The following SRRM2 variants were observed in gnomAD, a reference collection of about 807,000 sequenced individuals.
The protein encoded by SRRM2 is serine/arginine repetitive matrix 2.
In SRRM2, 30 loss-of-function variants were observed where a neutral mutation model predicts 213.8. That is an observed-to-expected ratio of 0.14 (90% CI 0.10 to 0.19). The LOEUF is 0.19. Among genes scored for constraint, SRRM2 ranks in the 10% least tolerant of loss-of-function variants. The pLI, the probability that SRRM2 is intolerant of heterozygous loss-of-function variation, is 1.00. For synonymous variants in SRRM2, 2,025 were observed against 1,377.7 expected, an observed-to-expected ratio of 1.47 and a Z score of -10.40; for missense variants, 4,904 against 3,647.0, an observed-to-expected ratio of 1.34 and a Z score of -8.88.
At position 2,767,603 on chromosome 16, in the gene SRRM2, G is replaced by T. The variant is rs569446082; in HGVS notation, c.7075G>T (p.Ala2359Ser). The change falls in exon 11 of 15, where the codon GCA becomes TCA. Residue 2359 changes from alanine (A) to serine (S), a missense_variant. Physicochemically the swap from Ala to Ser is moderately conservative, Grantham distance 99. Transcript: ENST00000301740. The part of the protein sequence containing the change: ...PVNIAGSRTA[A>S]ALAPASLTSA... ...GAATATTGCCGGCTCCAGAACCGCC[G>T]CAGCCTTGGCCCCCGCGAGCCTCAC... 6.2e-7 allele frequency: 1 copy of T among 1,614,102 alleles called. No individual in the cohort carries two copies. The highest frequency in any genetic ancestry group is 1.7e-5 in the Admixed American group (1 of 60,024).
intron 1 of SRRM2, among the ~76,000 whole-genome samples, chr16:2,755,750 A>G (rs777177440): frequency 2.0e-5 from 3 of 152,204 alleles, no homozygotes; most frequent in Non-Finnish European, 4.4e-5. Context: ...TGAACCAACT[A>G]GTCTGCTGTT....
chr16:2,762,574 C>G lies in SRRM2; in HGVS notation c.2046C>G (p.Arg682=), dbSNP rs772321533. The part of the protein sequence containing the change: ...RTPARRSGRS[R]SRTPARRGRS... ...CAGCTAGACGCAGTGGTCGCTCACG[C>G]TCCAGAACACCAGCCAGGAGAGGGA... Residue 682 remains arginine, a synonymous_variant, in exon 11 of 15, where the codon CGC becomes CGG. Transcript: ENST00000301740. 1 of 1,613,898 alleles carries G rather than the reference C, an allele frequency of 6.2e-7. No individual in the cohort carries two copies. Among genetic ancestry groups the G allele is most frequent in the Non-Finnish European group, 8.5e-7 (1 of 1,179,976 alleles).
In SRRM2 at chr16:2,771,322, C is replaced by T. The variant is rs779574869; in HGVS notation, c.*455C>T. 2.2e-5 allele frequency: 29 copies of T among 1,338,324 alleles called. No homozygotes were observed. The highest frequency in any genetic ancestry group is 2.8e-5 in the Non-Finnish European group (26 of 938,344). 82.9% of individuals were successfully genotyped at this position (1,338,324 alleles called of 1,614,324 possible). A position where few individuals can be genotyped will look rare whatever the true frequency, so the allele number is the denominator to read the frequency against. The stretch of plus-strand genomic sequence containing the variant: ...TGAGGTTGTGAACCCCTCCCCCCAA[C>T]TTTTCATGTTTCTTAAAGGCATTTT... On this transcript the variant is annotated 3_prime_UTR_variant, in exon 15 of 15. Transcript: ENST00000301740.
Position 2,766,355 on chromosome 16 carries a change from C to T in SRRM2, c.5827C>T (p.Arg1943Cys), listed in dbSNP as rs775643209. 1.7e-5 allele frequency: 28 copies of T among 1,614,006 alleles called. No homozygotes were observed. The highest frequency in any genetic ancestry group is 4.0e-5 in the African/African-American group (3 of 74,930). Residue 1943 changes from arginine (R) to cysteine (C), a missense_variant, in exon 11 of 15, where the codon CGC becomes TGC. By Grantham distance (180) the Arg-to-Cys change is radical (BLOSUM62 -3). Coordinates refer to ENST00000301740, the MANE Select transcript of SRRM2 (RefSeq NM_016333.4). This position sits in a 1 kb window ranked among gnomAD's most constrained non-coding sequence, Gnocchi z 7.0. ...RRSRSRTPTT[R>C]RRSRSRTPPV... is the part of the protein sequence containing the mutation. The stretch of plus-strand genomic sequence containing the variant: ...TTCAAGGTCTAGAACGCCAACAACA[C>T]GCCGCCGCTCCCGTTCTAGAACTCC...
Position 2,758,020 on chromosome 16 carries a change from C to T in SRRM2, c.515+75C>T, listed in dbSNP as rs1157634874. On this transcript the variant is annotated intron_variant, in intron 4 of 14. Transcript: ENST00000301740. ...TCCATGCTCTATTTTTGTCTTTTTG[C>T]GGGCTGGTTTCTTCCCAAACTCTTC... The T allele has an allele frequency of 1.4e-5, 21 of 1,511,638 alleles. No homozygotes were observed. In the Admixed American group the frequency reaches 2.8e-4, roughly 20 times the overall value. The allele number at this position is 1,511,638 out of a possible 1,614,324, so 93.6% of individuals were successfully genotyped here.
At position 2,764,324 on chromosome 16, in the gene SRRM2, A is replaced by G. The variant is rs572711454; in HGVS notation, c.3796A>G (p.Ser1266Gly). ...TTCAGAACTTAAAGAAATGTCCACA[A>G]GTAACTTTGAATCATCTCCTGAAGT... ...LSSELKEMST[S>G]NFESSPEVEE... Residue 1266 changes from serine to glycine, a missense_variant, in exon 11 of 15, where the codon AGT (serine) becomes GGT (glycine). Transcript: ENST00000301740. 3.7e-6 allele frequency: 6 copies of G among 1,614,222 alleles called. No homozygotes were observed. The Admixed American group carries it at 5.0e-5, about 13-fold the overall frequency.
At chr16:2,753,521 A>G (rs1293365145) in intron 1 of SRRM2, 1 of 152,110 alleles carries the variant, frequency 6.6e-6, no homozygotes, top group East Asian at 1.9e-4. Context: ...TTACATTTGT[A>G]AGGTAGACCG....
At position 2,770,662 on chromosome 16, in the gene SRRM2, C is replaced by T. The variant is rs1049829119; in HGVS notation, c.8194C>T (p.His2732Tyr). 1.4e-5 allele frequency: 21 copies of T among 1,554,610 alleles called. No individual in the cohort carries two copies. The African/African-American group carries it at 2.7e-4, about 20-fold the overall frequency. Reference sequence around the variant, plus strand: ...GCGTGGGGACAGCCGCTCCCCCAGCCACAAGCGCAGGAGGGAGACACCTAG... The same window carrying T: ...GCGTGGGGACAGCCGCTCCCCCAGCTACAAGCGCAGGAGGGAGACACCTAG... ...GQRGDSRSPS[H>Y]KRRRETPSPR... The change falls in exon 14 of 15, where the codon CAC (histidine) becomes TAC (tyrosine). Residue 2732 changes from histidine (H) to tyrosine (Y), a missense_variant. His to Tyr is a moderately conservative substitution (Grantham distance 83). Coordinates refer to ENST00000301740, the MANE Select transcript of SRRM2 (RefSeq NM_016333.4).
Position 2,768,117 on chromosome 16 carries a change from G to A in SRRM2, c.7589G>A (p.Arg2530Gln), listed in dbSNP as rs1307066107. ...GCCGCCCTGCAGCCAGCAAAGGAGC[G>A]GCGGAGTTCCTCCTCGTCGTCGTCG... ...ALAALQPAKERRSSSSSSSSS... is the reference protein window; with the variant it reads ...ALAALQPAKEQRSSSSSSSSS... Residue 2530 changes from arginine (R) to glutamine (Q), a missense_variant, in exon 11 of 15, where the codon CGG (arginine) becomes CAG (glutamine). Transcript: ENST00000301740. The A allele has an allele frequency of 5.0e-6, 8 of 1,614,030 alleles. No homozygotes were observed. The highest frequency in any genetic ancestry group is 3.3e-4 in the Middle Eastern group (2 of 6,082).
At chr16:2,768,690 C>T (rs771830539) in intron 11 of SRRM2, 17 of 675,018 alleles carry the variant, frequency 2.5e-5, no homozygotes, top group Admixed American at 6.2e-5. Context: ...TGCGGCTCTC[C>T]GAGGAAGGAG....
At position 2,767,330 on chromosome 16, in the gene SRRM2, A is replaced by C; in HGVS notation, c.6802A>C (p.Met2268Leu). Reference sequence around the variant, plus strand: ...TCGAACGCCAGCTGCAGCAGCGGCCATGAACTTGGCCAGCCCCAGAACAGC... The same window carrying C: ...TCGAACGCCAGCTGCAGCAGCGGCCCTGAACTTGGCCAGCCCCAGAACAGC... ...DSRTPAAAAA[M>L]NLASPRTAVA... Residue 2268 changes from methionine (M) to leucine (L), a missense_variant, in exon 11 of 15, where the codon ATG (methionine) becomes CTG (leucine). Transcript: ENST00000301740. 1 of 1,613,922 alleles carries C rather than the reference A, an allele frequency of 6.2e-7. No individual in the cohort carries two copies. The highest frequency in any genetic ancestry group is 8.5e-7 in the Non-Finnish European group (1 of 1,180,036).
At position 2,766,919 on chromosome 16, in the gene SRRM2, A is replaced by G; in HGVS notation, c.6391A>G (p.Arg2131Gly). The change falls in exon 11 of 15, where the codon AGA becomes GGA. Residue 2131 changes from arginine (R) to glycine (G), a missense_variant. Transcript: ENST00000301740. The surrounding 1 kb of genome is among the most constrained non-coding windows in gnomAD (Gnocchi z 7.0). ...SMSPTPLDRC[R>G]SPGMLEPLGS... The stretch of plus-strand genomic sequence containing the variant: ...GTCCCCAACACCTCTTGATCGCTGC[A>G]GATCACCTGGAATGCTTGAACCCCT... The G allele has an allele frequency of 1.2e-6, 2 of 1,614,114 alleles. No individual in the cohort carries two copies. Among genetic ancestry groups the G allele is most frequent in the Non-Finnish European group, 1.7e-6 (2 of 1,180,026 alleles).
At chr16:2,761,153 C>A (rs1212166761) in intron 10 of SRRM2, among the ~76,000 whole-genome samples, 1 of 152,216 alleles carries the variant, frequency 6.6e-6, no homozygotes, top group East Asian at 1.9e-4. Context: ...TTACTCTTCA[C>A]ACAAATCATG....
rs973439703 is a variant in SRRM2 at position 2,769,283 on chromosome 16, A to T, written c.8020A>T (p.Arg2674Trp). Residue 2674 changes from arginine to tryptophan, a missense_variant and splice_region_variant, in exon 12 of 15, where the codon AGG becomes TGG. By Grantham distance (101) the Arg-to-Trp change is moderately radical. Coordinates refer to ENST00000301740, the MANE Select transcript of SRRM2 (RefSeq NM_016333.4). Reference sequence around the variant, plus strand: ...CAAGAAGCCACCCCCTGGCGAGCGGAGGTGAGTGCTGTCTTGCCTGAGTTG... The same window carrying T: ...CAAGAAGCCACCCCCTGGCGAGCGGTGGTGAGTGCTGTCTTGCCTGAGTTG... ...SPKKPPPGER[R>W]SRSPRKPIDS... 6.4e-7 allele frequency: 1 copy of T among 1,556,518 alleles called. No homozygotes were observed. The highest frequency in any genetic ancestry group is 1.2e-5 in the South Asian group (1 of 80,940).
intron 1 of SRRM2, among the ~76,000 whole-genome samples, chr16:2,753,173 C>T (rs965282275): frequency 1.3e-5 from 2 of 151,380 alleles, no homozygotes; most frequent in South Asian, 4.2e-4. Flanking sequence ...AGGTGGCCTT[C>T]CTGCAGCTGC....
Position 2,761,570 on chromosome 16 carries a change from A to G in SRRM2, c.1042A>G (p.Thr348Ala), listed in dbSNP as rs185897671. ...TCTCTTCCACTCTTAGAAATCTGCA[A>G]CTCGACCTAGCCCCTCTCCGGAAAG... ...KDKDKKEKSA[T>A]RPSPSPERSS... The change falls in exon 11 of 15, where the codon ACT becomes GCT. Residue 348 changes from threonine to alanine, a missense_variant. By Grantham distance (58) the Thr-to-Ala change is moderately conservative. Transcript: ENST00000301740. The G allele has an allele frequency of 6.0e-6, 9 of 1,503,892 alleles. No homozygotes were observed. The African/African-American group carries it at 8.4e-5, about 14-fold the overall frequency. The allele number at this position is 1,503,892 out of a possible 1,614,324, so 93.2% of individuals were successfully genotyped here.
chr16:2,759,088 T>C (rs1041361976), intron 6 of SRRM2, 41 bp downstream of exon 6: 1 of 1,614,204 alleles, frequency 6.2e-7, no homozygotes. Flanking sequence ...GAAGGTTTGC[T>C]GAATTCAGGC....
At position 2,767,883 on chromosome 16, in the gene SRRM2, C is replaced by A. The variant is rs757234689; in HGVS notation, c.7355C>A (p.Pro2452His). 3 of 1,614,052 alleles carry A rather than the reference C, an allele frequency of 1.9e-6. No homozygotes were observed. The African/African-American group carries it at 4.0e-5, about 22-fold the overall frequency. The change falls in exon 11 of 15, where the codon CCT becomes CAT. Residue 2452 changes from proline to histidine, a missense_variant. Transcript: ENST00000301740. Reference protein sequence around the residue: ...PAQDQPRSPVPSAFSDQSRCL... With the variant: ...PAQDQPRSPVHSAFSDQSRCL... ...CAGGATCAGCCGAGGTCTCCTGTGC[C>A]TTCTGCTTTTTCAGACCAATCCCGT...
intron 5 of SRRM2, 110 bp downstream of exon 5, chr16:2,758,657 G>A (rs1361372075): frequency 3.8e-6 from 4 of 1,063,730 alleles, no homozygotes; most frequent in East Asian, 4.8e-5. Context: ...ATAGTTGTCA[G>A]GGAGGAGGGA....
Sources: allele counts gnomAD v4.1 joint callset (sites outside exome capture counted in the v4.1 genomes callset), GRCh38; gene constraint gnomAD v4.1.1; non-coding constraint Gnocchi (gnomAD v3.1); transcripts MANE v1.5; gene names NCBI Gene and HGNC (gene_info 2026-07-23, HGNC 2026-07-21).